ROR1: variants seen among roughly 807,000 people sequenced by gnomAD.
The protein encoded by ROR1 is inactive tyrosine-protein kinase transmembrane receptor ROR1.
A neutral mutation model predicts 78.8 loss-of-function variants in ROR1; 19 were observed. The observed-to-expected ratio is 0.24, with a 90% confidence interval of 0.17 to 0.35. The LOEUF is 0.35. Among genes scored for constraint, ROR1 ranks in the 10% least tolerant of loss-of-function variants. ROR1 has a pLI of 1.00. For missense variants in ROR1, 917 were observed against 1,177.8 expected (o/e 0.78, Z 3.24); for synonymous variants, 386 against 433.6 (o/e 0.89, Z 1.36).
chr1:63,803,346 AT>A (rs535867406), intron 1 of ROR1, among the ~76,000 whole-genome samples: 343 of 145,316 alleles, frequency 2.4e-3, no homozygotes, highest in South Asian at 0.014. Flanking sequence ...TCTCCATCAA[AT>A]TTTTTTTTTT....
At chr1:64,089,620 TG>T (rs1457382207) in intron 4 of ROR1, among the ~76,000 whole-genome samples, 1 of 152,194 alleles carries the variant, frequency 6.6e-6, no homozygotes, top group Non-Finnish European at 1.5e-5. Context: ...TCATCTTCTC[TG>T]AAAATGTTAA....
At chr1:64,083,685 T>C (rs72685161) in intron 4 of ROR1, among the ~76,000 whole-genome samples, 11 of 152,006 alleles carry the variant, frequency 7.2e-5, no homozygotes, top group Non-Finnish European at 1.5e-4. Context: ...GGTTAGATTT[T>C]AAACGGAAGA....
At chr1:64,077,251 G>T (rs1468149294) in intron 4 of ROR1, among the ~76,000 whole-genome samples, 2 of 152,212 alleles carry the variant, frequency 1.3e-5, no homozygotes, top group Non-Finnish European at 2.9e-5. Flanking sequence ...TGATAAAAAG[G>T]TTGGAGCATG....
chr1:64,128,807 G>A (rs75521863), intron 4 of ROR1, among the ~76,000 whole-genome samples: 2,345 of 152,104 alleles, frequency 0.015, 76 homozygotes, highest in African/African-American at 0.053. Flanking sequence ...AGTAAGTGTC[G>A]GGGGGAAGTG....
At chr1:64,058,980 A>G (rs550909723) in intron 4 of ROR1, among the ~76,000 whole-genome samples, 1 of 152,292 alleles carries the variant, frequency 6.6e-6, no homozygotes, top group East Asian at 1.9e-4. Flanking sequence ...AAGTTTTAAA[A>G]TTACTAATTC....
At chr1:64,051,055 T>A (rs1646824336) in intron 4 of ROR1, among the ~76,000 whole-genome samples, 2 of 152,198 alleles carry the variant, frequency 1.3e-5, no homozygotes, top group Non-Finnish European at 2.9e-5. Context: ...GAACCTTTAC[T>A]CTCAGGGTCT....
chr1:63,809,636 G>C, intron 1 of ROR1, among the ~76,000 whole-genome samples: 1 of 152,174 alleles, frequency 6.6e-6, no homozygotes, highest in East Asian at 1.9e-4. Context: ...TAAGCAGAGA[G>C]ACCATGGAAA....
At chr1:63,777,916 G>A (rs915855190) in intron 1 of ROR1, among the ~76,000 whole-genome samples, 3 of 152,198 alleles carry the variant, frequency 2.0e-5, no homozygotes, top group African/African-American at 7.2e-5. Context: ...TTTTTCGGTT[G>A]TATGCAAAAT....
rs1473218223 is a variant in ROR1, at chr1:63,975,853, C to A, written c.92-33452C>A. ...CATCATTTCAGTCTACATCCAGCAC[C>A]CTGCATTTTCCAAAATTCATGCTGG... On this transcript the variant is annotated intron_variant, in intron 1 of 8. Transcript: ENST00000371079. Among the ~76,000 whole-genome samples, 4 of 152,094 alleles carry A rather than the reference C, an allele frequency of 2.6e-5. 1 individual carries two copies.
intron 1 of ROR1, among the ~76,000 whole-genome samples, chr1:63,845,345 A>C (rs1645074202): frequency 6.6e-6 from 1 of 152,194 alleles, no homozygotes; most frequent in Non-Finnish European, 1.5e-5. Flanking sequence ...CTTTGAAATA[A>C]AAACTGAAAT....
intron 1 of ROR1, among the ~76,000 whole-genome samples, chr1:63,966,702 C>CT (rs1392946921): frequency 6.6e-6 from 1 of 152,102 alleles, no homozygotes; most frequent in Non-Finnish European, 1.5e-5. Context: ...TTTGTAATTA[C>CT]TTTTTCTGTT....
At chr1:63,867,689 C>T (rs749621111) in intron 1 of ROR1, among the ~76,000 whole-genome samples, 6 of 152,136 alleles carry the variant, frequency 3.9e-5, no homozygotes, top group South Asian at 2.1e-4. Context: ...ACCTCGCCGA[C>T]GAAAATATTC....
intron 1 of ROR1, among the ~76,000 whole-genome samples, chr1:63,856,744 A>T (rs577563927): frequency 2.0e-5 from 3 of 152,268 alleles, no homozygotes; most frequent in East Asian, 3.9e-4. Flanking sequence ...ACTGACTGTT[A>T]TACCAGTCTT....
intron 7 of ROR1, among the ~76,000 whole-genome samples, chr1:64,146,397 AC>A (rs1435582829): frequency 7.2e-5 from 11 of 152,158 alleles, no homozygotes; most frequent in Non-Finnish European, 1.0e-4. Flanking sequence ...AATCGCTTGA[AC>A]TTGGGAGGCG....
intron 1 of ROR1, among the ~76,000 whole-genome samples, chr1:63,903,330 C>T (rs182988699): frequency 2.0e-5 from 3 of 152,064 alleles, no homozygotes; most frequent in East Asian, 1.9e-4. Flanking sequence ...AGTTGAATTT[C>T]GGGTTGGAGT....
At chr1:63,788,441 T>G (rs1463502569) in intron 1 of ROR1, among the ~76,000 whole-genome samples, 1 of 151,924 alleles carries the variant, frequency 6.6e-6, no homozygotes, top group East Asian at 1.9e-4. Flanking sequence ...TCAAAACCAG[T>G]GCAAATCACT....
intron 2 of ROR1, among the ~76,000 whole-genome samples, chr1:64,024,281 G>T (rs1006717650): frequency 6.6e-6 from 1 of 152,096 alleles, no homozygotes; most frequent in Non-Finnish European, 1.5e-5. Flanking sequence ...AGGATTTCGA[G>T]ACCAACCTGG....
rs1404354195 is a variant in ROR1, at chr1:64,021,052, C to G, written c.163+11676C>G. On this transcript the variant is annotated intron_variant, in intron 2 of 8. Coordinates refer to ENST00000371079, the MANE Select transcript of ROR1 (RefSeq NM_005012.4). ...GCTTAAAAAAAAAAAATGCCCCAAG[C>G]CTTAGTTGATCTAGCAGCTTAGGAA... Among the ~76,000 whole-genome samples the G allele has an allele frequency of 2.6e-5, 4 of 151,410 alleles. No homozygotes were observed. The East Asian group carries it at 7.7e-4, about 29-fold the overall frequency.
At chr1:63,825,842 T>G (rs1216523995) in intron 1 of ROR1, among the ~76,000 whole-genome samples, 1 of 152,200 alleles carries the variant, frequency 6.6e-6, no homozygotes, top group African/African-American at 2.4e-5. Flanking sequence ...TTTGAGCCAT[T>G]GGACTTAAAC....
Sources: gnomAD v4.1 joint callset for allele counts (sites outside exome capture counted in the v4.1 genomes callset) on GRCh38, gnomAD v4.1.1 for gene constraint, MANE v1.5 for transcripts, NCBI Gene and HGNC (gene_info 2026-07-23, HGNC 2026-07-21) for gene names.